Variants in RANBP2 observed in about 807,000 individuals in gnomAD.
RANBP2 encodes the protein E3 SUMO-protein ligase RanBP2.
Under a neutral mutation model 303.6 loss-of-function variants are expected in RANBP2, and 57 were observed. The observed-to-expected ratio is 0.19, with a 90% CI of 0.15 to 0.23. The LOEUF (loss-of-function observed/expected upper bound fraction) is 0.23, where lower values mean the gene tolerates loss of function less well. Ranked by LOEUF, RANBP2 falls within the 10% of genes least tolerant of loss-of-function variation. The pLI, the probability that RANBP2 is intolerant of heterozygous loss-of-function variation, is 1.00. For synonymous variants in RANBP2, 1,167 were observed against 1,301.5 expected (o/e 0.90, Z 2.23); for missense variants, 3,138 against 3,780.8 (o/e 0.83, Z 4.46).
At chr2:109,370,190 G>GGTCTCT in the RANBP2 span, among the ~76,000 whole-genome samples, 25,351 of 147,228 alleles carry the variant, frequency 0.17, 3,190 homozygotes, top group East Asian at 0.7. Context: ...TTGCTGTGGT[G>GGTCTCT]GTCTCTGTCT....
At chr2:109,079,362 C>T in the RANBP2 span, among the ~76,000 whole-genome samples, 1 of 152,142 alleles carries the variant, frequency 6.6e-6, no homozygotes, top group South Asian at 2.1e-4. Flanking sequence ...TTTGTGTTAT[C>T]TGCAAGGCTT....
At chr2:108,781,836 C>A (rs931355930) in intron 26 of RANBP2, among the ~76,000 whole-genome samples, 1 of 152,120 alleles carries the variant, frequency 6.6e-6, no homozygotes, top group Admixed American at 6.5e-5. Flanking sequence ...GCTAATATTT[C>A]TCTTCAGTAG....
chr2:109,602,620 A>G, the RANBP2 span, among the ~76,000 whole-genome samples: 1 of 151,396 alleles, frequency 6.6e-6, no homozygotes, highest in African/African-American at 2.4e-5. Flanking sequence ...GGTTGCAGTG[A>G]GCCGAGATCG....
the RANBP2 span, among the ~76,000 whole-genome samples, chr2:109,260,800 C>T: frequency 6.6e-6 from 1 of 152,182 alleles, no homozygotes; most frequent in Non-Finnish European, 1.5e-5. Context: ...AACCAAGTTC[C>T]TAAGTGCATG....
the RANBP2 span, among the ~76,000 whole-genome samples, chr2:109,406,584 TA>T: frequency 5.9e-5 from 9 of 152,166 alleles, no homozygotes; most frequent in Admixed American, 2.0e-4. Flanking sequence ...CTTGTTTTGG[TA>T]AATGAAAGCT....
chr2:109,101,452 G>T, the RANBP2 span, among the ~76,000 whole-genome samples: 1 of 151,886 alleles, frequency 6.6e-6, no homozygotes, highest in Non-Finnish European at 1.5e-5. Flanking sequence ...GCGGGAACTC[G>T]GGAGGTGGAG....
chr2:109,257,663 G>A, the RANBP2 span, among the ~76,000 whole-genome samples: 19 of 152,248 alleles, frequency 1.2e-4, 1 homozygote, highest in East Asian at 3.9e-4. Flanking sequence ...CTTGGTTTGC[G>A]CTTCAGGGAA....
At chr2:108,911,722 C>T in the RANBP2 span, among the ~76,000 whole-genome samples, 1 of 152,140 alleles carries the variant, frequency 6.6e-6, no homozygotes, top group Non-Finnish European at 1.5e-5. Flanking sequence ...CCAAACAGGA[C>T]TCTGATTGTC....
the RANBP2 span, among the ~76,000 whole-genome samples, chr2:108,894,268 G>GATC: frequency 6.6e-6 from 1 of 152,188 alleles, no homozygotes; most frequent in Admixed American, 6.5e-5. Context: ...GTTTTTACAT[G>GATC]ATCTCTTTGT....
In RANBP2 at chr2:108,762,095, T is replaced by C; in HGVS notation, c.2603-6T>C. On this transcript the variant is annotated splice_region_variant and splice_polypyrimidine_tract_variant and intron_variant, in intron 18 of 28. Transcript: ENST00000283195. ...TGTTTTCTTTATTTTCTTTTTGTTT[T>C]TTTAGTTGCAACTACTGGCCCTTCA... 6.3e-7 allele frequency: 1 copy of C among 1,596,840 alleles called. No individual in the cohort carries two copies.
the RANBP2 span, among the ~76,000 whole-genome samples, chr2:109,368,068 AATATGTTT>A: frequency 6.6e-6 from 1 of 152,202 alleles, no homozygotes; most frequent in African/African-American, 2.4e-5. Flanking sequence ...GCCATTTTAA[AATATGTTT>A]AATGGAAATT....
the RANBP2 span, among the ~76,000 whole-genome samples, chr2:109,353,643 T>C: frequency 2.5e-3 from 374 of 152,304 alleles, no homozygotes; most frequent in Admixed American, 3.4e-3. Flanking sequence ...CCCAGGCTTC[T>C]TGGTCCATTC....
At chr2:109,556,953 T>A in the RANBP2 span, among the ~76,000 whole-genome samples, 3 of 151,986 alleles carry the variant, frequency 2.0e-5, no homozygotes, top group African/African-American at 7.3e-5. Context: ...TTCTCACTCA[T>A]AGATGGGAAT....
chr2:108,936,908 C>T, the RANBP2 span, among the ~76,000 whole-genome samples: 1 of 152,220 alleles, frequency 6.6e-6, no homozygotes, highest in African/African-American at 2.4e-5. Context: ...CCTTGCCAGC[C>T]TGAAGTCCTC....
chr2:109,289,742 G>A, the RANBP2 span, among the ~76,000 whole-genome samples: 1 of 152,150 alleles, frequency 6.6e-6, no homozygotes, highest in Admixed American at 6.5e-5. Context: ...GAGGGAAGAT[G>A]TGTTGTCATG....
At chr2:109,350,072 A>G in the RANBP2 span, among the ~76,000 whole-genome samples, 1 of 152,254 alleles carries the variant, frequency 6.6e-6, no homozygotes, top group Admixed American at 6.5e-5. Context: ...CAGGCCGGGC[A>G]TTTAGTGTGG....
chr2:108,766,844 A>G lies in RANBP2; in HGVS notation c.6305A>G (p.Asp2102Gly). The stretch of plus-strand genomic sequence containing the variant: ...AACCTGAAGCCTCTCTCTGGATCAG[A>G]TAGAGCATGGATGTGGTTAGCCAGT... The part of the protein sequence containing the change: ...TMNLKPLSGS[D>G]RAWMWLASDF... The change falls in exon 20 of 29, where the codon GAT becomes GGT. Residue 2102 changes from aspartate to glycine, a missense_variant. By Grantham distance (94) the Asp-to-Gly change is moderately conservative. Around this residue, in one of 20 missense-constraint regions of RANBP2, gnomAD observed 103 missense variants for 214.3 expected, o/e 0.48. Transcript: ENST00000283195. 6.2e-7 allele frequency: 1 copy of G among 1,611,884 alleles called. No individual in the cohort carries two copies. The highest frequency in any genetic ancestry group is 2.2e-5 in the East Asian group (1 of 44,880).
the RANBP2 span, among the ~76,000 whole-genome samples, chr2:109,264,262 C>A: frequency 6.6e-6 from 1 of 150,446 alleles, no homozygotes; most frequent in African/African-American, 2.5e-5. Flanking sequence ...CCAGGATCCA[C>A]CTCGAGTCTG....
chr2:109,054,723 C>T, the RANBP2 span, among the ~76,000 whole-genome samples: 1 of 151,084 alleles, frequency 6.6e-6, no homozygotes, highest in Non-Finnish European at 1.5e-5. Context: ...AAGAGTTTGG[C>T]AAGCCAAGTT....
Sources: allele counts gnomAD v4.1 joint callset (sites outside exome capture counted in the v4.1 genomes callset), GRCh38; gene constraint gnomAD v4.1.1; regional missense constraint gnomAD v4.1.1; transcripts MANE v1.5; gene names NCBI Gene and HGNC (gene_info 2026-07-23, HGNC 2026-07-21).